Variants in BTBD9 observed in about 807,000 individuals in gnomAD.
The protein encoded by BTBD9 is BTB/POZ domain-containing protein 9.
In BTBD9, 49 loss-of-function variants were observed where a neutral mutation model predicts 64.3. The ratio of observed to expected loss-of-function variants is 0.76; its 90% CI spans 0.61 to 0.97. The LOEUF (loss-of-function observed/expected upper bound fraction) is 0.97. Ranked by LOEUF, BTBD9 falls within the 50% of genes least tolerant of loss-of-function variation. BTBD9 has a pLI of 0.00. For missense variants in BTBD9, 598 were observed against 762.1 expected, an observed-to-expected ratio of 0.78 and a Z score of 2.53; for synonymous variants, 260 against 274.7, an observed-to-expected ratio of 0.95 and a Z score of 0.53.
chr6:38,340,592 T>G (rs1387740880), intron 7 of BTBD9, among the ~76,000 whole-genome samples: 1 of 152,162 alleles, frequency 6.6e-6, no homozygotes, highest in Non-Finnish European at 1.5e-5. Flanking sequence ...TTTGTCACCC[T>G]TGAAGGATGC....
chr6:38,538,478 T>C (rs1264218221), intron 6 of BTBD9, among the ~76,000 whole-genome samples: 2 of 152,206 alleles, frequency 1.3e-5, no homozygotes, highest in Non-Finnish European at 2.9e-5. Context: ...GTTATCTACA[T>C]AATATTTTAA....
At chr6:38,223,400 T>A (rs1763283218) in intron 9 of BTBD9, among the ~76,000 whole-genome samples, 1 of 152,172 alleles carries the variant, frequency 6.6e-6, no homozygotes, top group Non-Finnish European at 1.5e-5. Context: ...AGCAGAGCAA[T>A]CATAGTTCAC....
rs372801838 is a variant in BTBD9 at position 38,580,375 on chromosome 6, A to G, written c.877T>C (p.Ser293Pro). Residue 293 changes from serine to proline, a missense_variant, in exon 5 of 11, where the codon TCA becomes CCA. Coordinates refer to ENST00000481247, the MANE Select transcript of BTBD9 (RefSeq NM_001099272.2). ...TGAGTATCACCATCTAATAAGGCTG[A>G]TTTCAGCTCCCCCTTTACAACTTGG... ...GAQVVKGELK[S>P]ALLDGDTQNY... The G allele has an allele frequency of 9.9e-6, 16 of 1,614,122 alleles. No homozygotes were observed. The highest frequency in any genetic ancestry group is 1.6e-4 in the Middle Eastern group (1 of 6,084).
chr6:38,385,870 C>A (rs1269637198), intron 6 of BTBD9, among the ~76,000 whole-genome samples: 1 of 149,002 alleles, frequency 6.7e-6, no homozygotes, highest in Admixed American at 6.8e-5. Context: ...TCTCAGATCA[C>A]TGCAACCTCC....
chr6:38,550,077 A>G (rs1236194852), intron 6 of BTBD9, among the ~76,000 whole-genome samples: 1 of 152,106 alleles, frequency 6.6e-6, no homozygotes, highest in Non-Finnish European at 1.5e-5. Flanking sequence ...AATAACTTCT[A>G]AATTTATGTA....
intron 6 of BTBD9, among the ~76,000 whole-genome samples, chr6:38,376,416 G>C (rs1274776915): frequency 6.6e-6 from 1 of 151,958 alleles, no homozygotes; most frequent in African/African-American, 2.4e-5. Flanking sequence ...ATTAAAAGAA[G>C]GAAAATTTAT....
intron 10 of BTBD9, among the ~76,000 whole-genome samples, chr6:38,182,915 C>CT (rs1275535584): frequency 9.3e-6 from 1 of 107,642 alleles, no homozygotes; most frequent in East Asian, 2.0e-4. Flanking sequence ...TGCTTTTCCT[C>CT]TCTTTTTTTC....
intron 8 of BTBD9, among the ~76,000 whole-genome samples, chr6:38,273,372 A>G (rs1206850802): frequency 6.6e-6 from 1 of 152,132 alleles, no homozygotes; most frequent in Non-Finnish European, 1.5e-5. Flanking sequence ...GATAACTGAG[A>G]TGGCTACTAA....
chr6:38,619,294 T>C (rs983420221), intron 1 of BTBD9, among the ~76,000 whole-genome samples: 9 of 152,014 alleles, frequency 5.9e-5, no homozygotes, highest in African/African-American at 1.9e-4. Flanking sequence ...TATTCTATAA[T>C]AGGGACCAAG....
At chr6:38,259,986 T>G in intron 8 of BTBD9, among the ~76,000 whole-genome samples, 1 of 152,226 alleles carries the variant, frequency 6.6e-6, no homozygotes, top group Non-Finnish European at 1.5e-5. Context: ...CATTAGTCAT[T>G]TCCTCAAATA....
intron 6 of BTBD9, among the ~76,000 whole-genome samples, chr6:38,440,149 G>T (rs1030868548): frequency 6.6e-6 from 1 of 152,158 alleles, no homozygotes; most frequent in African/African-American, 2.4e-5. Flanking sequence ...GTTCAGCATA[G>T]ATATAGTTTA....
intron 1 of BTBD9, among the ~76,000 whole-genome samples, chr6:38,638,245 G>A (rs192029583): frequency 6.6e-6 from 1 of 152,008 alleles, no homozygotes; most frequent in Admixed American, 6.5e-5. Context: ...TACTTAACTT[G>A]GTTTTATAAT....
intron 6 of BTBD9, among the ~76,000 whole-genome samples, chr6:38,519,983 A>C (rs1487350501): frequency 6.6e-6 from 1 of 152,222 alleles, no homozygotes; most frequent in East Asian, 1.9e-4. Flanking sequence ...ATCATTCAGT[A>C]AAAGAAAAAT....
In BTBD9 at chr6:38,171,585, TG is replaced by T. The variant is rs1766765319; in HGVS notation, c.*3399del. On this transcript the variant is annotated 3_prime_UTR_variant, in exon 11 of 11. Transcript: ENST00000481247. ...GTGTGTGTGTGTGTGTGTGTGTGTG[TG>T]TGTGTGTGTGTGTGTGTGAGAGGGA... 1 of 58,138 alleles carries T rather than the reference TG, an allele frequency of 1.7e-5. No homozygotes were observed. The highest frequency in any genetic ancestry group is 4.8e-5 in the Non-Finnish European group (1 of 20,776). 3.6% of individuals were successfully genotyped at this position (58,138 alleles called of 1,614,324 possible).
chr6:38,306,274 T>A (rs1356405447), intron 7 of BTBD9, among the ~76,000 whole-genome samples: 1 of 152,240 alleles, frequency 6.6e-6, no homozygotes, highest in Non-Finnish European at 1.5e-5. Flanking sequence ...TCCCAATTTG[T>A]GTCACTTTGT....
intron 6 of BTBD9, among the ~76,000 whole-genome samples, chr6:38,471,738 C>T (rs1770660461): frequency 6.6e-6 from 1 of 152,136 alleles, no homozygotes; most frequent in African/African-American, 2.4e-5. Context: ...AGCCCTACAC[C>T]TTTCATCCCT....
intron 8 of BTBD9, among the ~76,000 whole-genome samples, chr6:38,261,626 C>T (rs1431110642): frequency 6.6e-6 from 1 of 152,036 alleles, no homozygotes; most frequent in South Asian, 2.1e-4. Flanking sequence ...GATATTAATC[C>T]ACTGCCTATC....
intron 6 of BTBD9, among the ~76,000 whole-genome samples, chr6:38,512,116 G>C (rs1046039755): frequency 6.6e-6 from 1 of 152,182 alleles, no homozygotes; most frequent in Non-Finnish European, 1.5e-5. Context: ...TGGGATTACA[G>C]GCACGCACCA....
At chr6:38,623,112 T>A (rs1173812454) in intron 1 of BTBD9, among the ~76,000 whole-genome samples, 6 of 152,026 alleles carry the variant, frequency 3.9e-5, no homozygotes, top group East Asian at 3.9e-4. Context: ...AACAACAAAC[T>A]CACACACCTT....
Sources: allele counts gnomAD v4.1 joint callset (sites outside exome capture counted in the v4.1 genomes callset), GRCh38; gene constraint gnomAD v4.1.1; transcripts MANE v1.5; gene names NCBI Gene and HGNC (gene_info 2026-07-23, HGNC 2026-07-21).